Variants in SPTBN2 observed in about 807,000 individuals in gnomAD.
SPTBN2 encodes the protein spectrin beta, non-erythrocytic 2, also known as spectrin beta chain, non-erythrocytic 2.
In SPTBN2, 107 loss-of-function variants were observed where a neutral mutation model predicts 284.2. The ratio of observed to expected loss-of-function variants is 0.38; its 90% CI spans 0.32 to 0.44. The LOEUF is 0.44. Among genes scored for constraint, SPTBN2 ranks in the 20% least tolerant of loss-of-function variants. The pLI is 1.00. For synonymous variants in SPTBN2, 1,289 were observed against 1,354.8 expected, an observed-to-expected ratio of 0.95 and a Z score of 1.07; for missense variants, 2,569 against 3,287.1, an observed-to-expected ratio of 0.78 and a Z score of 5.34.
chr11:66,713,619 C>T lies in SPTBN2; in HGVS notation c.772+12G>A, dbSNP rs1443954060. ...ACCCTACCACCTCTTTTTCACATAG[C>T]TCTGGCCCCACCTTCGGGATCCAGC... On this transcript the variant is annotated intron_variant, in intron 8 of 37. Coordinates refer to ENST00000533211, the MANE Select transcript of SPTBN2 (RefSeq NM_006946.4). 3 of 1,609,408 alleles carry T rather than the reference C, an allele frequency of 1.9e-6. No homozygotes were observed. The highest frequency in any genetic ancestry group is 2.6e-6 in the Non-Finnish European group (3 of 1,176,290).
chr11:66,689,836 A>T lies in SPTBN2; in HGVS notation c.5918T>A (p.Leu1973Gln). 3 of 1,614,028 alleles carry T rather than the reference A, an allele frequency of 1.9e-6. No individual in the cohort carries two copies. The highest frequency in any genetic ancestry group is 2.5e-6 in the Non-Finnish European group (3 of 1,180,020). Residue 1973 changes from leucine to glutamine, a missense_variant, in exon 29 of 38, where the codon CTG becomes CAG. This residue lies in a region of SPTBN2 where 1,130 missense variants were observed against 1,317.3 expected (regional missense o/e 0.86). Coordinates refer to ENST00000533211, the MANE Select transcript of SPTBN2 (RefSeq NM_006946.4). ...GGCCGCATAGTGGCTCCTGGCCAGC[A>T]GCTCCTTCCCCATGTCGATGCAGGA... ...FSSCIDMGKE[L>Q]LARSHYAAEE...
At chr11:66,690,010 G>T in intron 28 of SPTBN2, 29 bp downstream of exon 28, 6 of 1,614,164 alleles carry the variant, frequency 3.7e-6, no homozygotes, top group Non-Finnish European at 5.1e-6. Flanking sequence ...CACACAACCC[G>T]TGGAGGCCCT....
At chr11:66,724,890 C>T (rs75715895) in intron 1 of SPTBN2, among the ~76,000 whole-genome samples, 1 of 152,140 alleles carries the variant, frequency 6.6e-6, no homozygotes, top group Non-Finnish European at 1.5e-5. Context: ...AAGACCACAG[C>T]CCTGGTGGTA....
At chr11:66,742,379 G>T (rs1192476520) in intron 1 of SPTBN2, among the ~76,000 whole-genome samples, 1 of 152,110 alleles carries the variant, frequency 6.6e-6, no homozygotes, top group Admixed American at 6.5e-5. Flanking sequence ...CCTATGTCCA[G>T]TAGGGAGGAC....
chr11:66,705,791 T>C lies in SPTBN2; in HGVS notation c.1700A>G (p.Glu567Gly). ...QDLGRHLAGVEDLLQLHELVE... is the reference protein window; with the variant it reads ...QDLGRHLAGVGDLLQLHELVE... ...CAGCTCGTGCAGCTGCAGCAGGTCC[T>C]CCACTCCTGCTAGGTGCCTGCCCAG... is the stretch of plus-strand genomic sequence containing the variant. The change falls in exon 14 of 38, where the codon GAG becomes GGG. Residue 567 changes from glutamate (E) to glycine (G), a missense_variant. By Grantham distance (98) the Glu-to-Gly change is moderately conservative (BLOSUM62 -2). This residue lies in a region of SPTBN2 where 1,012 missense variants were observed against 1,248.9 expected (regional missense o/e 0.81). Transcript: ENST00000533211. 6.2e-7 allele frequency: 1 copy of C among 1,612,412 alleles called. No homozygotes were observed. The highest frequency in any genetic ancestry group is 2.2e-5 in the East Asian group (1 of 44,868).
At chr11:66,688,988 C>A in intron 30 of SPTBN2, 108 bp downstream of exon 30, 1 of 1,456,422 alleles carries the variant, frequency 6.9e-7, no homozygotes, top group Non-Finnish European at 9.5e-7. Context: ...GAAGATTGGG[C>A]ATCGTGAGTT....
Position 66,700,682 on chromosome 11 carries a change from C to G in SPTBN2, c.3417G>C (p.Gln1139His). 1.2e-6 allele frequency: 2 copies of G among 1,606,446 alleles called. No individual in the cohort carries two copies. Among genetic ancestry groups the G allele is most frequent in the Non-Finnish European group, 1.7e-6 (2 of 1,179,902 alleles). Reference protein sequence around the residue: ...EEVTRDQADPQCLFLRQRLEA... With the variant: ...EEVTRDQADPHCLFLRQRLEA... Reference sequence around the variant, plus strand: ...CCAGTCGCTGTCGTAGGAAGAGGCACTGGGGGTCAGCCTGGTCCCGGGTCA... The same window carrying G: ...CCAGTCGCTGTCGTAGGAAGAGGCAGTGGGGGTCAGCCTGGTCCCGGGTCA... The change falls in exon 17 of 38, where the codon CAG (glutamine) becomes CAC (histidine). Residue 1139 changes from glutamine (Q) to histidine (H), a missense_variant. Gln to His is a conservative substitution (Grantham distance 24, BLOSUM62 0). This residue lies in a region of SPTBN2 where 1,012 missense variants were observed against 1,248.9 expected (regional missense o/e 0.81). Transcript: ENST00000533211. This position sits in a 1 kb window ranked among gnomAD's most constrained non-coding sequence, Gnocchi z 6.6.
rs1421239770 is a variant in SPTBN2, at chr11:66,690,223, C to G, written c.5626G>C (p.Glu1876Gln). 2 of 1,613,624 alleles carry G rather than the reference C, an allele frequency of 1.2e-6. No individual in the cohort carries two copies. The highest frequency in any genetic ancestry group is 1.7e-6 in the Non-Finnish European group (2 of 1,179,834). ...GCCTGCATGTGGCGGCCGATCTCCT[C>G]AGCCTTGTCTCCAGCGTAGGCCTTC... ...LQKAYAGDKA[E>Q]EIGRHMQAVA... The change falls in exon 28 of 38, where the codon GAG (glutamate) becomes CAG (glutamine). Residue 1876 changes from glutamate (E) to glutamine (Q), a missense_variant. Transcript: ENST00000533211.
chr11:66,724,029 C>G (rs1037578883), intron 1 of SPTBN2, among the ~76,000 whole-genome samples: 8 of 152,220 alleles, frequency 5.3e-5, no homozygotes. Flanking sequence ...TTCCACCCTG[C>G]CCCCGCTTCG....
intron 3 of SPTBN2, among the ~76,000 whole-genome samples, chr11:66,716,426 G>T (rs961582807): frequency 1.3e-4 from 20 of 151,772 alleles, no homozygotes; most frequent in Non-Finnish European, 2.4e-4. Context: ...CTTGCAGGGA[G>T]CCGAGATTGT....
chr11:66,701,706 C>A lies in SPTBN2; in HGVS notation c.2694G>T (p.Glu898Asp). 1 of 1,614,056 alleles carries A rather than the reference C, an allele frequency of 6.2e-7. No homozygotes were observed. Among genetic ancestry groups the A allele is most frequent in the Non-Finnish European group, 8.5e-7 (1 of 1,180,018 alleles). ...GTGCTGCAAGGGTGTTCATTTCAGG[C>A]TCCAGGGTCTCGAACCTGAGAGGGT... ...EVVQQRFETLEPEMNTLAAQI... is the reference protein window; with the variant it reads ...EVVQQRFETLDPEMNTLAAQI... Residue 898 changes from glutamate to aspartate, a missense_variant, in exon 16 of 38, where the codon GAG becomes GAT. By Grantham distance (45) the Glu-to-Asp change is conservative (BLOSUM62 2). Coordinates refer to ENST00000533211, the MANE Select transcript of SPTBN2 (RefSeq NM_006946.4).
chr11:66,694,386 A>G, intron 21 of SPTBN2, 23 bp from the exon 22 acceptor site: 1 of 1,611,610 alleles, frequency 6.2e-7, no homozygotes, highest in East Asian at 2.2e-5. Context: ...AGGAGGAAGG[A>G]CATGTTAGCT....
rs369925402 is a variant in SPTBN2 at position 66,715,915 on chromosome 11, G to A, written c.224C>T (p.Thr75Met). 29 of 1,614,088 alleles carry A rather than the reference G, an allele frequency of 1.8e-5. No individual in the cohort carries two copies. The highest frequency in any genetic ancestry group is 1.1e-4 in the South Asian group (10 of 91,066). ...KWVNSHLARVTCRVGDLYSDL... is the reference protein window; with the variant it reads ...KWVNSHLARVMCRVGDLYSDL... ...GCTGTACAGGTCCCCCACCCGGCAC[G>A]TGACCCGGGCCAGGTGCGAGTTTAC... The change falls in exon 4 of 38, where the codon ACG (threonine) becomes ATG (methionine). Residue 75 changes from threonine (T) to methionine (M), a missense_variant. Around this residue, in one of 6 missense-constraint regions of SPTBN2, gnomAD observed 304 missense variants for 522.1 expected, o/e 0.58. Coordinates refer to ENST00000533211, the MANE Select transcript of SPTBN2 (RefSeq NM_006946.4). The surrounding 1 kb of genome is among the most constrained non-coding windows in gnomAD (Gnocchi z 5.3).
chr11:66,700,379 C>A lies in SPTBN2; in HGVS notation c.3573+147G>T. On this transcript the variant is annotated intron_variant, in intron 17 of 37. Transcript: ENST00000533211. This position sits in a 1 kb window ranked among gnomAD's most constrained non-coding sequence, Gnocchi z 6.6. ...GCCTCAAGTGATCCTCCTACTTTGG[C>A]CTCCCAAAGTGCTGGAATTTCAGGT... 8.8e-7 allele frequency: 1 copy of A among 1,138,170 alleles called. No individual in the cohort carries two copies. The highest frequency in any genetic ancestry group is 2.5e-5 in the East Asian group (1 of 39,856). The allele number at this position is 1,138,170 out of a possible 1,614,324, so 70.5% of individuals were successfully genotyped here. A position where few individuals can be genotyped will look rare whatever the true frequency, so the allele number is the denominator to read the frequency against.
At position 66,705,706 on chromosome 11, in the gene SPTBN2, C is replaced by G; in HGVS notation, c.1785G>C (p.Leu595=). Residue 595 remains leucine (L), a synonymous_variant, in exon 14 of 38, where the codon CTG becomes CTC. Coordinates refer to ENST00000533211, the MANE Select transcript of SPTBN2 (RefSeq NM_006946.4). ...ERVRAVSASA[L]RFCNPGKEYR... The stretch of plus-strand genomic sequence containing the variant: ...CACCTTTCCCTGGGTTGCAGAAGCG[C>G]AGGGCAGAGGCGCTGACGGCCCGCA... The G allele has an allele frequency of 1.2e-6, 2 of 1,612,154 alleles. No homozygotes were observed. Among genetic ancestry groups the G allele is most frequent in the South Asian group, 2.2e-5 (2 of 91,078 alleles).
At chr11:66,716,414 A>G (rs1170333340) in intron 3 of SPTBN2, among the ~76,000 whole-genome samples, 2 of 150,928 alleles carry the variant, frequency 1.3e-5, no homozygotes, top group South Asian at 2.1e-4. Context: ...TGGGAGGGGG[A>G]GCTTGCAGGG....
At chr11:66,712,333 G>C (rs1941911079) in intron 8 of SPTBN2, among the ~76,000 whole-genome samples, 1 of 152,210 alleles carries the variant, frequency 6.6e-6, no homozygotes, top group South Asian at 2.1e-4. Context: ...CGGACCACGA[G>C]GTCAGGAGTT....
At chr11:66,690,580 G>A (rs983405920) in intron 27 of SPTBN2, among the ~76,000 whole-genome samples, 42 of 152,144 alleles carry the variant, frequency 2.8e-4, no homozygotes, top group African/African-American at 8.4e-4. Context: ...TTGCTAGAAC[G>A]TGCTACTTAG....
rs1195339439 is a variant in SPTBN2 at position 66,683,143 on chromosome 11, C to T, written c.*2728G>A. Among the ~76,000 whole-genome samples the T allele has an allele frequency of 6.9e-6, 1 of 144,656 alleles. No homozygotes were observed. The highest frequency in any genetic ancestry group is 2.1e-4 in the East Asian group (1 of 4,758). The allele number at this position is 144,656 out of a possible 152,430, so 94.9% of individuals were successfully genotyped here. A position where few individuals can be genotyped will look rare whatever the true frequency, so the allele number is the denominator to read the frequency against. ...AGCGCAGTGGCGGCATCTCGGCTCA[C>T]TGCAAGCTCCGCCTCCCGGGTTCAC... On this transcript the variant is annotated 3_prime_UTR_variant, in exon 38 of 38. Coordinates refer to ENST00000533211, the MANE Select transcript of SPTBN2 (RefSeq NM_006946.4).
Sources: gnomAD v4.1 joint callset for allele counts (sites outside exome capture counted in the v4.1 genomes callset) on GRCh38, gnomAD v4.1.1 for gene constraint, gnomAD v4.1.1 regional missense constraint, Gnocchi (gnomAD v3.1) non-coding constraint, MANE v1.5 for transcripts, NCBI Gene and HGNC (gene_info 2026-07-23, HGNC 2026-07-21) for gene names.